Variants in MTX3 observed in about 807,000 individuals in gnomAD.
MTX3 encodes the protein metaxin-3.
Under a neutral mutation model 42.5 loss-of-function variants are expected in MTX3, and 27 were observed. That is an observed-to-expected ratio of 0.64 (90% CI 0.47 to 0.88). MTX3 has a LOEUF of 0.88. MTX3 is among the 40% of genes least tolerant of loss of function. The probability of loss-of-function intolerance (pLI) is 0.00; values close to 1 mark genes in which losing one functional copy is unlikely to be tolerated. For missense variants in MTX3, 378 were observed against 367.0 expected, an observed-to-expected ratio of 1.03 and a Z score of -0.25; for synonymous variants, 144 against 132.9, an observed-to-expected ratio of 1.08 and a Z score of -0.57.
Position 79,984,623 on chromosome 5 carries a change from G to GAA in MTX3, c.829-831_829-830dup, listed in dbSNP as rs566204923. ...TAGTAAGTATTACTATTTGTATCAGGAAAAAAAAAAAAAGCAAGCTTATCA... is the reference window on the plus strand; with the variant it reads ...TAGTAAGTATTACTATTTGTATCAGGAAAAAAAAAAAAAAAGCAAGCTTATCA... On this transcript the variant is annotated intron_variant, in intron 8 of 8. Coordinates refer to ENST00000512528, the MANE Select transcript of MTX3 (RefSeq NM_001363818.2). Among the ~76,000 whole-genome samples the GAA allele has an allele frequency of 4.7e-4, 65 of 137,920 alleles. 1 individual carries two copies. In the South Asian group the frequency reaches 0.01, roughly 21 times the overall value. The allele number at this position is 137,920 out of a possible 152,430, so 90.5% of individuals were successfully genotyped here. A position where few individuals can be genotyped will look rare whatever the true frequency, so the allele number is the denominator to read the frequency against.
chr5:79,990,959 G>A (rs997728689), intron 1 of MTX3, 199 bp downstream of exon 1: 14 of 723,502 alleles, frequency 1.9e-5, no homozygotes, highest in Non-Finnish European at 3.0e-5. Flanking sequence ...AAGCGGAGAA[G>A]CCTTGATGTC....
Position 79,990,318 on chromosome 5 carries a change from T to A in MTX3, c.152-82A>T. The A allele has an allele frequency of 4.1e-6, 4 of 973,600 alleles. No individual in the cohort carries two copies. In the South Asian group the frequency reaches 5.1e-5, roughly 12 times the overall value. 60.3% of individuals were successfully genotyped at this position (973,600 alleles called of 1,614,324 possible). Reference sequence around the variant, plus strand: ...TCCAATATCCTAAAAACTATAGCAGTTGCACATTTAGAGGGGAAAAAATGA... The same window carrying A: ...TCCAATATCCTAAAAACTATAGCAGATGCACATTTAGAGGGGAAAAAATGA... On this transcript the variant is annotated intron_variant, in intron 2 of 8. Coordinates refer to ENST00000512528, the MANE Select transcript of MTX3 (RefSeq NM_001363818.2).
intron 8 of MTX3, among the ~76,000 whole-genome samples, chr5:79,985,324 A>C (rs1580885273): frequency 6.6e-6 from 1 of 152,122 alleles, no homozygotes; most frequent in East Asian, 1.9e-4. Context: ...CCTAGCTTAA[A>C]GGGTACTAAC....
Position 79,979,356 on chromosome 5 carries a change from A to G in MTX3, c.*4328T>C, listed in dbSNP as rs1241297115. 6.6e-6 allele frequency: 1 copy of G among 152,260 alleles called. No homozygotes were observed. The highest frequency in any genetic ancestry group is 1.5e-5 in the Non-Finnish European group (1 of 68,048). The allele number at this position is 152,260 out of a possible 1,614,324, so 9.4% of individuals were successfully genotyped here. A position where few individuals can be genotyped will look rare whatever the true frequency, so the allele number is the denominator to read the frequency against. The stretch of plus-strand genomic sequence containing the variant: ...TTTCTTTAAAATCTGGTTAAGAAAT[A>G]TGAAAATATTGAAAAGTAAACATAA... On this transcript the variant is annotated 3_prime_UTR_variant, in exon 9 of 9. Transcript: ENST00000512528.
rs938171703 is a variant in MTX3 at position 79,983,657 on chromosome 5, G to C, written c.*27C>G. ...TAAGAGATTACTGCAACAATCGTTTGACTTTGGCCACAAACCATGACTACT... is the reference window on the plus strand; with the variant it reads ...TAAGAGATTACTGCAACAATCGTTTCACTTTGGCCACAAACCATGACTACT... On this transcript the variant is annotated 3_prime_UTR_variant, in exon 9 of 9. Coordinates refer to ENST00000512528, the MANE Select transcript of MTX3 (RefSeq NM_001363818.2). 13 of 1,511,984 alleles carry C rather than the reference G, an allele frequency of 8.6e-6. No homozygotes were observed. Among genetic ancestry groups the C allele is most frequent in the Admixed American group, 1.7e-5 (1 of 59,872 alleles). 93.7% of individuals were successfully genotyped at this position (1,511,984 alleles called of 1,614,324 possible).
At position 79,984,265 on chromosome 5, in the gene MTX3, C is replaced by T. The variant is rs950742268; in HGVS notation, c.829-471G>A. Among the ~76,000 whole-genome samples the T allele has an allele frequency of 6.6e-5, 10 of 152,148 alleles. 1 individual carries two copies. Among genetic ancestry groups the T allele is most frequent in the South Asian group, 2.1e-4 (1 of 4,828 alleles). On this transcript the variant is annotated intron_variant, in intron 8 of 8. Transcript: ENST00000512528. ...CTGTAAGGTTAAGTGATTTGCCCCA[C>T]GTCACAAGCTAGTATGAGAGCTGAA...
At position 79,981,341 on chromosome 5, in the gene MTX3, G is replaced by A. The variant is rs1831368792; in HGVS notation, c.*2343C>T. On this transcript the variant is annotated 3_prime_UTR_variant, in exon 9 of 9. Transcript: ENST00000512528. ...CACTAAACTCACATGTTGCATCTTA[G>A]AAAAGGTGATCTGGAAGCATTATGG... is the stretch of plus-strand genomic sequence containing the variant. 1 of 152,118 alleles carries A rather than the reference G, an allele frequency of 6.6e-6. No homozygotes were observed. Among genetic ancestry groups the A allele is most frequent in the Non-Finnish European group, 1.5e-5 (1 of 68,030 alleles). 9.4% of individuals were successfully genotyped at this position (152,118 alleles called of 1,614,324 possible).
rs369712522 is a variant in MTX3 at position 79,983,643 on chromosome 5, T to C, written c.*41A>G. 7 of 1,411,180 alleles carry C rather than the reference T, an allele frequency of 5.0e-6. 1 individual carries two copies. The East Asian group carries it at 1.1e-4, about 23-fold the overall frequency. The allele number at this position is 1,411,180 out of a possible 1,614,324, so 87.4% of individuals were successfully genotyped here. On this transcript the variant is annotated 3_prime_UTR_variant, in exon 9 of 9. Transcript: ENST00000512528. Reference sequence around the variant, plus strand: ...TCACACACTTGGTGTAAGAGATTACTGCAACAATCGTTTGACTTTGGCCAC... The same window carrying C: ...TCACACACTTGGTGTAAGAGATTACCGCAACAATCGTTTGACTTTGGCCAC...
At position 79,991,213 on chromosome 5, in the gene MTX3, C is replaced by G. The variant is rs1002060364; in HGVS notation, c.26G>C (p.Cys9Ser). Residue 9 changes from cysteine to serine, a missense_variant, in exon 1 of 9, where the codon TGC (cysteine) becomes TCC (serine). Physicochemically the swap from Cys to Ser is moderately radical, Grantham distance 112. Transcript: ENST00000512528. MAAPLELS[C>S]WGGGWGLPSV... ...TGGGAGTCCCCAGCCGCCTCCCCAG[C>G]AACTGAGTTCCAAGGGGGCCGCCAT... is the stretch of plus-strand genomic sequence containing the variant. 2 of 1,474,370 alleles carry G rather than the reference C, an allele frequency of 1.4e-6. No individual in the cohort carries two copies. The allele number at this position is 1,474,370 out of a possible 1,614,324, so 91.3% of individuals were successfully genotyped here.
rs1360731130 is a variant in MTX3, at chr5:79,982,272, TAA to T, written c.*1410_*1411del. On this transcript the variant is annotated 3_prime_UTR_variant, in exon 9 of 9. Coordinates refer to ENST00000512528, the MANE Select transcript of MTX3 (RefSeq NM_001363818.2). ...TCAAGAAAAAATATTTAGAATGACTTAAAGACTCTTGTATAAATAACTACCTA... is the reference window on the plus strand; with the variant it reads ...TCAAGAAAAAATATTTAGAATGACTTAGACTCTTGTATAAATAACTACCTA... The T allele has an allele frequency of 5.7e-6, 2 of 352,708 alleles. No individual in the cohort carries two copies. The highest frequency in any genetic ancestry group is 2.2e-5 in the African/African-American group (1 of 46,316). The allele number at this position is 352,708 out of a possible 1,614,324, so 21.8% of individuals were successfully genotyped here. A position where few individuals can be genotyped will look rare whatever the true frequency, so the allele number is the denominator to read the frequency against.
rs938999056 is a variant in MTX3 at position 79,978,269 on chromosome 5, A to C, written c.*5415T>G. ...CATTTCCTTAGGTGTATCTCTCAGA[A>C]CATAAATCCCACAAGATACCTACTT... On this transcript the variant is annotated 3_prime_UTR_variant, in exon 9 of 9. Transcript: ENST00000512528. 1.3e-5 allele frequency: 2 copies of C among 152,226 alleles called. No homozygotes were observed. Among genetic ancestry groups the C allele is most frequent in the Non-Finnish European group, 2.9e-5 (2 of 68,076 alleles). 9.4% of individuals were successfully genotyped at this position (152,226 alleles called of 1,614,324 possible).
In MTX3 at chr5:79,980,878, A is replaced by G. The variant is rs1049349688; in HGVS notation, c.*2806T>C. The stretch of plus-strand genomic sequence containing the variant: ...TCTGTGCTCTGTTCAGATTGACAAA[A>G]TGTTCTTTTTGGCCGGGCGCAGTGG... On this transcript the variant is annotated 3_prime_UTR_variant, in exon 9 of 9. Transcript: ENST00000512528. The G allele has an allele frequency of 5.3e-5, 8 of 152,322 alleles. No homozygotes were observed. The highest frequency in any genetic ancestry group is 1.9e-4 in the African/African-American group (8 of 41,456). The allele number at this position is 152,322 out of a possible 1,614,324, so 9.4% of individuals were successfully genotyped here.
At chr5:79,990,097 A>G in intron 3 of MTX3, 63 bp downstream of exon 3, 1 of 989,076 alleles carries the variant, frequency 1.0e-6, no homozygotes, top group South Asian at 1.8e-5. Flanking sequence ...AATAAATAAA[A>G]TAAAGCCCAA....
At chr5:79,990,381 G>C (rs1212244923) in intron 2 of MTX3, 145 bp from the exon 3 acceptor site, 6 of 714,026 alleles carry the variant, frequency 8.4e-6, no homozygotes, top group East Asian at 2.8e-5. Context: ...TTCACAAAGA[G>C]CGGTTCTAAA....
chr5:79,985,307 T>C (rs1831465234), intron 8 of MTX3, among the ~76,000 whole-genome samples: 1 of 152,104 alleles, frequency 6.6e-6, no homozygotes, highest in South Asian at 2.1e-4. Flanking sequence ...GCAAATCTTT[T>C]GGATTTCCTA....
In MTX3 at chr5:79,987,306, G is replaced by C. The variant is rs6880181; in HGVS notation, c.582-199C>G. On this transcript the variant is annotated intron_variant, in intron 6 of 8. Transcript: ENST00000512528. Reference sequence around the variant, plus strand: ...AAATACAAAAGAAGTCGGGCGTGGTGGTGGGCACCTGTAAACCCAGCTACT... The same window carrying C: ...AAATACAAAAGAAGTCGGGCGTGGTCGTGGGCACCTGTAAACCCAGCTACT... Among the ~76,000 whole-genome samples the C allele has an allele frequency of 2.9e-3, 447 of 152,002 alleles. 3 individuals are homozygous for C. The highest frequency in any genetic ancestry group is 0.01 in the African/African-American group (426 of 41,442).
At chr5:79,986,301 AAT>A (rs1448451323) in intron 7 of MTX3, among the ~76,000 whole-genome samples, 2 of 152,196 alleles carry the variant, frequency 1.3e-5, no homozygotes, top group Admixed American at 6.5e-5. Flanking sequence ...CCCACCAAAA[AAT>A]AATAAACTGT....
intron 3 of MTX3, among the ~76,000 whole-genome samples, chr5:79,989,589 A>G (rs1831580466): frequency 6.6e-6 from 1 of 152,204 alleles, no homozygotes; most frequent in African/African-American, 2.4e-5. Flanking sequence ...TCTCCCCAAG[A>G]CAAAAGAAAA....
At chr5:79,987,150 T>C in intron 6 of MTX3, 43 bp from the exon 7 acceptor site, 1 of 1,582,830 alleles carries the variant, frequency 6.3e-7, no homozygotes, top group Non-Finnish European at 8.7e-7. Flanking sequence ...AAGACAATAT[T>C]AACTGAAGGC....
Sources: gnomAD v4.1 joint callset for allele counts (sites outside exome capture counted in the v4.1 genomes callset) on GRCh38, gnomAD v4.1.1 for gene constraint, MANE v1.5 for transcripts, NCBI Gene and HGNC (gene_info 2026-07-23, HGNC 2026-07-21) for gene names.